Variants in STX17 observed in about 807,000 individuals in gnomAD.
The protein encoded by STX17 is syntaxin 17.
Under a neutral mutation model 35.9 loss-of-function variants are expected in STX17, and 29 were observed. The ratio of observed to expected loss-of-function variants is 0.81; its 90% confidence interval spans 0.60 to 1.10. The LOEUF is 1.10. STX17 is among the 50% of genes least tolerant of loss of function. The probability of loss-of-function intolerance (pLI) is 0.00; values close to 1 mark genes in which losing one functional copy is unlikely to be tolerated. For missense variants in STX17, 312 were observed against 352.3 expected (o/e 0.89, Z 0.92); for synonymous variants, 92 against 118.3 (o/e 0.78, Z 1.44).
rs1223200111 is a variant in STX17 at position 99,972,856 on chromosome 9, C to T, written c.*4183C>T. Among the ~76,000 whole-genome samples the T allele has an allele frequency of 6.6e-6, 1 of 152,050 alleles. No homozygotes were observed. The highest frequency in any genetic ancestry group is 6.6e-5 in the Admixed American group (1 of 15,254). On this transcript the variant is annotated 3_prime_UTR_variant, in exon 8 of 8. Coordinates refer to ENST00000259400, the MANE Select transcript of STX17 (RefSeq NM_017919.3). ...AGGAAAAGCCTGGGGGGAGGTTCTCCTCGGAAATGAGGTGGTTTTTTTTGT... is the reference window on the plus strand; with the variant it reads ...AGGAAAAGCCTGGGGGGAGGTTCTCTTCGGAAATGAGGTGGTTTTTTTTGT...
At position 99,915,332 on chromosome 9, in the gene STX17, GT is replaced by G. The variant is rs1157997760; in HGVS notation, c.95del (p.Leu32Ter). The G allele has an allele frequency of 6.2e-7, 1 of 1,609,910 alleles. No homozygotes were observed. Among genetic ancestry groups the G allele is most frequent in the African/African-American group, 1.3e-5 (1 of 74,682 alleles). ...TAGTAATCCCAACAGACCTGGAAAG[GT>G]TAAGAAAGCACCAGATAAATATTGA... Reference protein sequence around the residue: ...KIVIPTDLERLRKHQINIEKY... With the variant: ...KIVIPTDLERXRKHQINIEKY... On this transcript the variant is annotated frameshift_variant, in exon 2 of 8. Transcript: ENST00000259400. LOFTEE classifies it high-confidence loss of function.
Position 99,915,184 on chromosome 9 carries a change from C to A in STX17, c.-56C>A. ...AGAAATATTTTTCTTTTAGGTTTTT[C>A]TATATGAGTGGAGAAGACAGCTGTT... On this transcript the variant is annotated 5_prime_UTR_variant, in exon 2 of 8. Transcript: ENST00000259400. 6.5e-7 allele frequency: 1 copy of A among 1,528,374 alleles called. No homozygotes were observed. 94.7% of individuals were successfully genotyped at this position (1,528,374 alleles called of 1,614,324 possible).
At chr9:99,940,265 G>A (rs1829323210) in intron 3 of STX17, among the ~76,000 whole-genome samples, 2 of 151,832 alleles carry the variant, frequency 1.3e-5, no homozygotes, top group African/African-American at 4.8e-5. Context: ...CAAGTAGCTG[G>A]GATTACAGGT....
intron 3 of STX17, among the ~76,000 whole-genome samples, chr9:99,943,331 G>T (rs1475015785): frequency 6.6e-6 from 1 of 151,148 alleles, no homozygotes; most frequent in Non-Finnish European, 1.5e-5. Flanking sequence ...TTTTTGAGTT[G>T]GTGTCTCACT....
intron 2 of STX17, among the ~76,000 whole-genome samples, chr9:99,924,400 T>TTA (rs1828949227): frequency 6.6e-6 from 1 of 151,866 alleles, no homozygotes; most frequent in Non-Finnish European, 1.5e-5. Context: ...TGTATATATA[T>TTA]TATATATATG....
At chr9:99,943,196 C>T (rs188014559) in intron 3 of STX17, among the ~76,000 whole-genome samples, 120 of 152,244 alleles carry the variant, frequency 7.9e-4, no homozygotes, top group East Asian at 6.2e-3. Flanking sequence ...TGCAGTGGCG[C>T]GATCTCTGCT....
At chr9:99,914,115 C>G (rs1235144991) in intron 1 of STX17, 1 of 151,980 alleles carries the variant, frequency 6.6e-6, no homozygotes, top group Non-Finnish European at 1.5e-5. Context: ...CCTTCATTCA[C>G]AATTTTTCAT....
At chr9:99,953,433 CACTCA>C (rs1026501807) in intron 4 of STX17, among the ~76,000 whole-genome samples, 43 of 152,076 alleles carry the variant, frequency 2.8e-4, no homozygotes, top group African/African-American at 1.0e-3. Context: ...GAGATGCTAG[CACTCA>C]ATCCTTGGTT....
chr9:99,936,755 C>T (rs1829245058), intron 3 of STX17, among the ~76,000 whole-genome samples: 1 of 152,026 alleles, frequency 6.6e-6, no homozygotes, highest in Non-Finnish European at 1.5e-5. Context: ...ATATATTTAA[C>T]TTTTATACAT....
chr9:99,973,159 T>C lies in STX17; in HGVS notation c.*4486T>C, dbSNP rs1208110337. Reference sequence around the variant, plus strand: ...AGGATCCACATGGTATGTATCCACATTGCTACTCTCAAATAGAAATGGGAG... The same window carrying C: ...AGGATCCACATGGTATGTATCCACACTGCTACTCTCAAATAGAAATGGGAG... On this transcript the variant is annotated 3_prime_UTR_variant, in exon 8 of 8. Coordinates refer to ENST00000259400, the MANE Select transcript of STX17 (RefSeq NM_017919.3). 6.6e-6 allele frequency among the ~76,000 whole-genome samples: 1 copy of C among 151,996 alleles called. No individual in the cohort carries two copies. Among genetic ancestry groups the C allele is most frequent in the Non-Finnish European group, 1.5e-5 (1 of 68,010 alleles).
In STX17 at chr9:99,909,933, TA is replaced by T; in HGVS notation, c.-63+3234del. Among the ~76,000 whole-genome samples the T allele has an allele frequency of 1.3e-5, 2 of 151,864 alleles. 1 individual carries two copies. Among genetic ancestry groups the T allele is most frequent in the East Asian group, 3.9e-4 (2 of 5,194 alleles). ...ATATATACCCACAAAAATTAAAAAT[TA>T]AAAAAAGAAGAAATGCAGCTGGGCA... On this transcript the variant is annotated intron_variant, in intron 1 of 7. Coordinates refer to ENST00000259400, the MANE Select transcript of STX17 (RefSeq NM_017919.3).
rs1170694083 is a variant in STX17, at chr9:99,968,805, T to G, written c.*132T>G. 3.7e-6 allele frequency: 5 copies of G among 1,362,108 alleles called. No homozygotes were observed. In the East Asian group the frequency reaches 9.5e-5, roughly 26 times the overall value. 84.4% of individuals were successfully genotyped at this position (1,362,108 alleles called of 1,614,324 possible). A position where few individuals can be genotyped will look rare whatever the true frequency, so the allele number is the denominator to read the frequency against. ...TACTGATGTTCAAGTGGGATTGAAGTGTGATAAATGGATATATTTTGTTGT... is the reference window on the plus strand; with the variant it reads ...TACTGATGTTCAAGTGGGATTGAAGGGTGATAAATGGATATATTTTGTTGT... On this transcript the variant is annotated 3_prime_UTR_variant, in exon 8 of 8. Coordinates refer to ENST00000259400, the MANE Select transcript of STX17 (RefSeq NM_017919.3).
At chr9:99,959,762 A>C (rs1238306187) in intron 4 of STX17, among the ~76,000 whole-genome samples, 155 bp from the exon 5 acceptor site, 1 of 152,200 alleles carries the variant, frequency 6.6e-6, no homozygotes, top group Admixed American at 6.5e-5. Context: ...CACCCAGCCA[A>C]ACAATTCTAT....
At chr9:99,916,665 G>A (rs140066506) in intron 2 of STX17, among the ~76,000 whole-genome samples, 59 of 152,138 alleles carry the variant, frequency 3.9e-4, no homozygotes, top group Admixed American at 3.5e-3. Context: ...AGTTTAATGC[G>A]AATATTTGAA....
intron 3 of STX17, among the ~76,000 whole-genome samples, chr9:99,942,047 C>T (rs1829375709): frequency 6.6e-6 from 1 of 152,320 alleles, no homozygotes; most frequent in East Asian, 1.9e-4. Flanking sequence ...TAATGCCAAG[C>T]TATTTTCCAA....
chr9:99,956,503 G>A (rs1829714448), intron 4 of STX17, among the ~76,000 whole-genome samples: 1 of 152,104 alleles, frequency 6.6e-6, no homozygotes. Context: ...TTAAGTAGAA[G>A]AAAGGTCATA....
intron 2 of STX17, among the ~76,000 whole-genome samples, chr9:99,927,645 T>C (rs377174782): frequency 9.9e-5 from 15 of 152,166 alleles, no homozygotes; most frequent in African/African-American, 3.6e-4. Flanking sequence ...CAGATAATTT[T>C]TTTGTACTTT....
intron 1 of STX17, among the ~76,000 whole-genome samples, chr9:99,910,825 C>T (rs1051734480): frequency 2.0e-5 from 3 of 152,068 alleles, no homozygotes; most frequent in African/African-American, 7.2e-5. Context: ...TTCTCTTCAC[C>T]CCTCCTGCCC....
At chr9:99,909,271 A>G (rs1828614656) in intron 1 of STX17, among the ~76,000 whole-genome samples, 1 of 152,238 alleles carries the variant, frequency 6.6e-6, no homozygotes, top group African/African-American at 2.4e-5. Context: ...TATAGTTTAT[A>G]TTCCATTTTG....
Sources: gnomAD v4.1 joint callset for allele counts (sites outside exome capture counted in the v4.1 genomes callset) on GRCh38, gnomAD v4.1.1 for gene constraint, MANE v1.5 for transcripts, NCBI Gene and HGNC (gene_info 2026-07-23, HGNC 2026-07-21) for gene names.